Variants in GABRG1 observed in about 807,000 individuals in gnomAD.
GABRG1 encodes gamma-aminobutyric acid type A receptor subunit gamma1.
Under a neutral mutation model 49.8 loss-of-function variants are expected in GABRG1, and 49 were observed. The observed-to-expected ratio is 0.98, with a 90% CI of 0.78 to 1.25. GABRG1 has a LOEUF of 1.25. Ranked by LOEUF, GABRG1 falls within the 50% of genes most tolerant of loss-of-function variation. The pLI is 0.00. For synonymous variants in GABRG1, 232 were observed against 185.1 expected (o/e 1.25, Z -2.06); for missense variants, 552 against 552.3 (o/e 1.00, Z 0.01).
At chr4:46,057,881 A>G (rs1263510107) in intron 7 of GABRG1, among the ~76,000 whole-genome samples, 1 of 152,118 alleles carries the variant, frequency 6.6e-6, no homozygotes, top group Non-Finnish European at 1.5e-5. Context: ...TAAAATCTTG[A>G]TGAAACGTGA....
chr4:46,053,270 G>C (rs1348820894), intron 7 of GABRG1, among the ~76,000 whole-genome samples: 1 of 151,432 alleles, frequency 6.6e-6, no homozygotes, highest in African/African-American at 2.4e-5. Context: ...GTAATATCTT[G>C]TTTAATGATC....
chr4:46,048,260 A>C (rs891831795), intron 8 of GABRG1, among the ~76,000 whole-genome samples: 1 of 151,984 alleles, frequency 6.6e-6, no homozygotes, highest in Non-Finnish European at 1.5e-5. Context: ...CACCTGAATT[A>C]TATACTTGCC....
chr4:46,114,694 C>T (rs1185314825), intron 1 of GABRG1, among the ~76,000 whole-genome samples: 2 of 150,794 alleles, frequency 1.3e-5, no homozygotes, highest in Non-Finnish European at 3.0e-5. Flanking sequence ...GTGCTATTTT[C>T]AGATAAAATT....
intron 1 of GABRG1, among the ~76,000 whole-genome samples, chr4:46,110,491 TCTAA>T (rs1720680237): frequency 6.6e-6 from 1 of 150,818 alleles, no homozygotes; most frequent in Admixed American, 6.6e-5. Context: ...TTAAGTCCTC[TCTAA>T]CTAATTCTAA....
chr4:46,104,365 C>G (rs866439478), intron 1 of GABRG1, among the ~76,000 whole-genome samples: 1 of 151,484 alleles, frequency 6.6e-6, no homozygotes. Context: ...ACATTCTTCT[C>G]CAGCCTCAGA....
At chr4:46,119,835 T>G (rs1721044071) in intron 1 of GABRG1, among the ~76,000 whole-genome samples, 1 of 151,610 alleles carries the variant, frequency 6.6e-6, no homozygotes, top group Admixed American at 6.6e-5. Context: ...TAAAAGACAT[T>G]TAAAAGACTT....
intron 3 of GABRG1, among the ~76,000 whole-genome samples, chr4:46,078,825 A>AT (rs1719456489): frequency 6.6e-6 from 1 of 151,948 alleles, no homozygotes; most frequent in African/African-American, 2.4e-5. Context: ...AAATTAAAAA[A>AT]TTTTTTGAAT....
intron 2 of GABRG1, among the ~76,000 whole-genome samples, chr4:46,087,306 G>GT (rs1357407460): frequency 4.0e-5 from 6 of 151,782 alleles, no homozygotes; most frequent in African/African-American, 1.2e-4. Context: ...CAATTGGGAA[G>GT]TGGGGCCAAG....
intron 2 of GABRG1, 92 bp from the exon 3 acceptor site, chr4:46,084,145 A>C: frequency 1.5e-6 from 1 of 672,242 alleles, no homozygotes. Context: ...ATAACTACTT[A>C]TATATTAACA....
intron 2 of GABRG1, among the ~76,000 whole-genome samples, chr4:46,084,358 C>T (rs887367100): frequency 3.3e-5 from 5 of 151,602 alleles, no homozygotes; most frequent in Non-Finnish European, 5.9e-5. Flanking sequence ...CCTTTTCAAA[C>T]TTCATCTGTT....
At chr4:46,103,199 G>A (rs1388221758) in intron 1 of GABRG1, among the ~76,000 whole-genome samples, 1 of 151,464 alleles carries the variant, frequency 6.6e-6, no homozygotes, top group Non-Finnish European at 1.5e-5. Flanking sequence ...AGGTGCCTGA[G>A]GAATGTGAGT....
At chr4:46,105,561 T>G (rs577372198) in intron 1 of GABRG1, among the ~76,000 whole-genome samples, 1 of 151,532 alleles carries the variant, frequency 6.6e-6, no homozygotes, top group South Asian at 2.1e-4. Flanking sequence ...AGGACAATTA[T>G]TTACTTGAGG....
chr4:46,089,626 A>G (rs958037187), intron 2 of GABRG1, among the ~76,000 whole-genome samples: 2 of 152,048 alleles, frequency 1.3e-5, no homozygotes, highest in African/African-American at 4.8e-5. Flanking sequence ...AATAACTGAA[A>G]CTGTTTGGAA....
intron 1 of GABRG1, among the ~76,000 whole-genome samples, chr4:46,097,964 C>T (rs1304791615): frequency 6.6e-6 from 1 of 151,674 alleles, no homozygotes; most frequent in African/African-American, 2.4e-5. Context: ...ATAGGTGACT[C>T]ATCTTGCACA....
intron 2 of GABRG1, 136 bp from the exon 3 acceptor site, chr4:46,084,189 C>T: frequency 1.7e-6 from 1 of 594,698 alleles, no homozygotes; most frequent in Non-Finnish European, 3.0e-6. Context: ...TTATGAAATG[C>T]AGAAATGTAG....
intron 2 of GABRG1, among the ~76,000 whole-genome samples, chr4:46,092,565 G>A (rs1242894585): frequency 4.6e-5 from 7 of 151,850 alleles, no homozygotes; most frequent in Admixed American, 2.6e-4. Flanking sequence ...TAACAAAACA[G>A]AAAACAATAG....
At chr4:46,117,674 A>C (rs900793280) in intron 1 of GABRG1, among the ~76,000 whole-genome samples, 4 of 144,776 alleles carry the variant, frequency 2.8e-5, no homozygotes, top group African/African-American at 1.0e-4. Flanking sequence ...ATATAGCTGT[A>C]TATATATACA....
chr4:46,079,252 A>G (rs1391691329), intron 3 of GABRG1, among the ~76,000 whole-genome samples: 1 of 151,952 alleles, frequency 6.6e-6, no homozygotes, highest in Non-Finnish European at 1.5e-5. Flanking sequence ...CCTCTCCAGC[A>G]TGCACTTATT....
intron 7 of GABRG1, among the ~76,000 whole-genome samples, chr4:46,057,413 T>C (rs186870358): frequency 9.9e-5 from 15 of 152,126 alleles, no homozygotes; most frequent in African/African-American, 3.4e-4. Flanking sequence ...GACACAATTA[T>C]GAGCAGTGTG....
Sources: allele counts gnomAD v4.1 joint callset (sites outside exome capture counted in the v4.1 genomes callset), GRCh38; gene constraint gnomAD v4.1.1; transcripts MANE v1.5; gene names NCBI Gene and HGNC (gene_info 2026-07-23, HGNC 2026-07-21).